NAALADL2: variants seen among roughly 807,000 people sequenced by gnomAD.
NAALADL2 encodes the protein inactive N-acetylated-alpha-linked acidic dipeptidase-like protein 2.
NAALADL2 carries 76 observed loss-of-function variants against 87.2 expected under a neutral mutation model. That is an observed-to-expected ratio of 0.87 (90% CI 0.72 to 1.05). NAALADL2 has a LOEUF of 1.05. Among genes scored for constraint, NAALADL2 ranks in the 50% least tolerant of loss-of-function variants. The pLI is 0.00. For missense variants in NAALADL2, 1,089 were observed against 945.8 expected, an observed-to-expected ratio of 1.15 and a Z score of -1.99; for synonymous variants, 354 against 331.0, an observed-to-expected ratio of 1.07 and a Z score of -0.75.
chr3:175,757,158 G>A (rs754207971), intron 13 of NAALADL2, among the ~76,000 whole-genome samples: 1 of 151,800 alleles, frequency 6.6e-6, no homozygotes, highest in African/African-American at 2.4e-5. Context: ...TTTGCCTCCT[G>A]CTTCTTCTCA....
intron 1 of NAALADL2, among the ~76,000 whole-genome samples, chr3:174,885,878 T>TG (rs1730053791): frequency 2.6e-4 from 1 of 3,856 alleles, no homozygotes; most frequent in South Asian, 4.6e-3. Flanking sequence ...TCCGAGTTGT[T>TG]TTTTTTTTTT....
At chr3:175,409,553 A>G (rs937738097) in intron 5 of NAALADL2, among the ~76,000 whole-genome samples, 10 of 151,972 alleles carry the variant, frequency 6.6e-5, no homozygotes, top group Non-Finnish European at 1.5e-4. Context: ...ATATATAAGT[A>G]TAAGATTACA....
At chr3:175,021,868 G>A (rs4404455) in intron 1 of NAALADL2, among the ~76,000 whole-genome samples, 12,725 of 152,076 alleles carry the variant, frequency 0.084, 890 homozygotes, top group African/African-American at 0.2. Flanking sequence ...TGTAGTTTGG[G>A]TATTTGTCCC....
At chr3:175,413,924 A>G (rs1001095308) in intron 5 of NAALADL2, among the ~76,000 whole-genome samples, 8 of 152,180 alleles carry the variant, frequency 5.3e-5, no homozygotes, top group Admixed American at 3.3e-4. Flanking sequence ...CCCCATTTAG[A>G]ACTGTGGGTC....
intron 5 of NAALADL2, among the ~76,000 whole-genome samples, chr3:175,388,482 T>C (rs1331980655): frequency 2.6e-5 from 4 of 152,146 alleles, no homozygotes; most frequent in African/African-American, 9.7e-5. Context: ...TGAAATTATA[T>C]AGGAAATGCT....
At chr3:174,708,924 C>G (rs1372038307) in intron 2 of NAALADL2, among the ~76,000 whole-genome samples, 1 of 152,044 alleles carries the variant, frequency 6.6e-6, no homozygotes, top group African/African-American at 2.4e-5. Context: ...AAAGTCCATT[C>G]TTTGAATCAG....
chr3:174,605,921 A>T (rs1233843539), intron 2 of NAALADL2, among the ~76,000 whole-genome samples: 2 of 152,160 alleles, frequency 1.3e-5, no homozygotes, highest in Non-Finnish European at 2.9e-5. Flanking sequence ...GGCACCCCCC[A>T]GTAGGGGCAG....
At chr3:174,907,018 C>G (rs989411906) in intron 1 of NAALADL2, among the ~76,000 whole-genome samples, 11 of 152,050 alleles carry the variant, frequency 7.2e-5, no homozygotes, top group African/African-American at 2.7e-4. Context: ...AAAAATTTCA[C>G]AGATAACTCA....
At chr3:174,965,234 C>A (rs1290442132) in intron 1 of NAALADL2, among the ~76,000 whole-genome samples, 2 of 152,066 alleles carry the variant, frequency 1.3e-5, no homozygotes, top group Admixed American at 1.3e-4. Context: ...GGCCACAATT[C>A]CTTGCACCTA....
At position 174,624,780 on chromosome 3, in the gene NAALADL2, T is replaced by C. The variant is rs532179306; in HGVS notation, c.-115+74143T>C. Among the ~76,000 whole-genome samples, 229 of 152,338 alleles carry C rather than the reference T, an allele frequency of 1.5e-3. 2 individuals are homozygous for C. The highest frequency in any genetic ancestry group is 5.4e-3 in the African/African-American group (226 of 41,572). On this transcript the variant is annotated intron_variant, in intron 2 of 3. Transcript: ENST00000434257. ...TGTAACTTTGAAAGTGCCTTGTTAG[T>C]AGTCACTCAAAAATTTTTTCAGTGC...
chr3:175,150,372 T>C (rs1731370964), intron 2 of NAALADL2, among the ~76,000 whole-genome samples: 1 of 152,206 alleles, frequency 6.6e-6, no homozygotes, highest in East Asian at 1.9e-4. Context: ...TTTTTTTTCT[T>C]AGCTTTGTTT....
intron 11 of NAALADL2, among the ~76,000 whole-genome samples, chr3:175,629,589 G>T (rs1727480171): frequency 6.6e-6 from 1 of 151,486 alleles, no homozygotes; most frequent in African/African-American, 2.4e-5. Flanking sequence ...AGGCAATGTT[G>T]CCACGAGAAC....
At chr3:175,020,046 C>T (rs1397367196) in intron 1 of NAALADL2, among the ~76,000 whole-genome samples, 1 of 151,994 alleles carries the variant, frequency 6.6e-6, no homozygotes, top group Non-Finnish European at 1.5e-5. Flanking sequence ...AATAAGCACA[C>T]AATTAACAAA....
intron 1 of NAALADL2, among the ~76,000 whole-genome samples, chr3:175,030,868 A>G (rs1433527222): frequency 6.7e-6 from 1 of 149,512 alleles, no homozygotes; most frequent in South Asian, 2.1e-4. Context: ...GATTGTATCT[A>G]TTTATTTGTA....
intron 6 of NAALADL2, among the ~76,000 whole-genome samples, chr3:175,458,331 C>T (rs1175416463): frequency 6.6e-6 from 1 of 151,394 alleles, no homozygotes; most frequent in Admixed American, 6.6e-5. Context: ...TATATCTATA[C>T]ACTCAGATTT....
At chr3:174,765,447 A>G (rs1713684999) in intron 3 of NAALADL2, among the ~76,000 whole-genome samples, 1 of 152,142 alleles carries the variant, frequency 6.6e-6, no homozygotes, top group African/African-American at 2.4e-5. Context: ...CTCCTCTACT[A>G]TCCTTGTCTC....
intron 2 of NAALADL2, among the ~76,000 whole-genome samples, chr3:174,658,334 C>A (rs1039407229): frequency 1.3e-5 from 2 of 152,088 alleles, no homozygotes; most frequent in Non-Finnish European, 2.9e-5. Context: ...AGTAGTATAT[C>A]TTTGTTGTTT....
intron 3 of NAALADL2, among the ~76,000 whole-genome samples, chr3:174,853,601 C>G (rs753227089): frequency 6.6e-6 from 1 of 151,710 alleles, no homozygotes; most frequent in Non-Finnish European, 1.5e-5. Context: ...AGATACAGCC[C>G]ACAGAATGAG....
chr3:175,014,845 C>G (rs1001950569), intron 1 of NAALADL2, among the ~76,000 whole-genome samples: 1 of 152,090 alleles, frequency 6.6e-6, no homozygotes, highest in African/African-American at 2.4e-5. Flanking sequence ...CTCTCTCCCT[C>G]CCTTCATCCA....
Sources: gnomAD v4.1 joint callset for allele counts (sites outside exome capture counted in the v4.1 genomes callset) on GRCh38, gnomAD v4.1.1 for gene constraint, MANE v1.5 for transcripts, NCBI Gene and HGNC (gene_info 2026-07-23, HGNC 2026-07-21) for gene names.